RIMBP2: variants seen among roughly 807,000 people sequenced by gnomAD.
RIMBP2 encodes RIMS-binding protein 2.
Under a neutral mutation model 118.6 loss-of-function variants are expected in RIMBP2, and 48 were observed. The observed-to-expected ratio is 0.40, with a 90% CI of 0.32 to 0.51. RIMBP2 has a LOEUF of 0.51. Among genes scored for constraint, RIMBP2 ranks in the 20% least tolerant of loss-of-function variants. The pLI is 0.41. For synonymous variants in RIMBP2, 762 were observed against 742.9 expected (o/e 1.03, Z -0.42); for missense variants, 1,551 against 1,768.3 (o/e 0.88, Z 2.20).
chr12:130,445,184 T>G lies in RIMBP2; in HGVS notation c.667A>C (p.Met223Leu). ...AGKYLYVYGD[M>L]DEDGFYEGEL... is the part of the protein sequence containing the mutation. ...CCTTCATAGAACCCATCCTCATCCATGTCTCCATAGACGTAGAGGTATTTT... is the reference window on the plus strand; with the variant it reads ...CCTTCATAGAACCCATCCTCATCCAGGTCTCCATAGACGTAGAGGTATTTT... The change falls in exon 10 of 23, where the codon ATG (methionine) becomes CTG (leucine). Residue 223 changes from methionine (M) to leucine (L), a missense_variant. Met to Leu is a conservative substitution (Grantham distance 15). Around this residue, in one of 5 missense-constraint regions of RIMBP2, gnomAD observed 265 missense variants for 349.5 expected, o/e 0.76. Transcript: ENST00000690449. 6.2e-7 allele frequency: 1 copy of G among 1,611,034 alleles called. No individual in the cohort carries two copies. Among genetic ancestry groups the G allele is most frequent in the Non-Finnish European group, 8.5e-7 (1 of 1,178,692 alleles).
Position 130,396,857 on chromosome 12 carries a change from A to C in RIMBP2, c.*504T>G, listed in dbSNP as rs1350035434. 1.3e-5 allele frequency: 2 copies of C among 152,688 alleles called. No homozygotes were observed. Among genetic ancestry groups the C allele is most frequent in the Non-Finnish European group, 2.9e-5 (2 of 68,068 alleles). 9.5% of individuals were successfully genotyped at this position (152,688 alleles called of 1,614,324 possible). ...GGATGAAGACCACTGAATGCACGAC[A>C]CATACAAAGTATACACTGTTTTTAT... is the stretch of plus-strand genomic sequence containing the variant. On this transcript the variant is annotated 3_prime_UTR_variant, in exon 23 of 23. Transcript: ENST00000690449.
intron 1 of RIMBP2, among the ~76,000 whole-genome samples, chr12:130,690,658 T>G (rs2065269602): frequency 6.6e-6 from 1 of 152,164 alleles, no homozygotes; most frequent in South Asian, 2.1e-4. Context: ...TTTAGCATAA[T>G]CTTTAGGGCT....
At chr12:130,421,535 T>A (rs1267762176) in intron 17 of RIMBP2, among the ~76,000 whole-genome samples, 1 of 152,206 alleles carries the variant, frequency 6.6e-6, no homozygotes, top group Non-Finnish European at 1.5e-5. Context: ...AAAAGACCAA[T>A]GGCCTTTTAA....
Position 130,455,706 on chromosome 12 carries a change from C to T in RIMBP2, c.358+790G>A, listed in dbSNP as rs546142961. Among the ~76,000 whole-genome samples the T allele has an allele frequency of 2.0e-5, 3 of 152,310 alleles. No individual in the cohort carries two copies. In the South Asian group the frequency reaches 6.2e-4, roughly 32 times the overall value. On this transcript the variant is annotated intron_variant, in intron 7 of 22. Coordinates refer to ENST00000690449, the MANE Select transcript of RIMBP2 (RefSeq NM_001393629.1). The stretch of plus-strand genomic sequence containing the variant: ...TCTGATAAGAACTAGGGGAAATTTG[C>T]AAATTATCTTTTTTACAGAATTCCA...
intron 2 of RIMBP2, among the ~76,000 whole-genome samples, chr12:130,543,804 T>C (rs916313290): frequency 2.6e-5 from 4 of 152,146 alleles, no homozygotes. Flanking sequence ...CAGGCACTGC[T>C]GCATCTTGCC....
intron 21 of RIMBP2, among the ~76,000 whole-genome samples, chr12:130,400,417 A>T (rs969729033): frequency 6.6e-6 from 1 of 152,218 alleles, no homozygotes; most frequent in African/African-American, 2.4e-5. Flanking sequence ...ATCCTTCCAG[A>T]TCTTTCTACT....
intron 1 of RIMBP2, among the ~76,000 whole-genome samples, chr12:130,653,712 A>G (rs2063318540): frequency 6.6e-6 from 1 of 152,032 alleles, no homozygotes; most frequent in Non-Finnish European, 1.5e-5. Flanking sequence ...TTTCCCATAA[A>G]TCTTCTGAAA....
intron 7 of RIMBP2, among the ~76,000 whole-genome samples, chr12:130,454,866 G>A (rs1036141333): frequency 6.6e-6 from 1 of 152,198 alleles, no homozygotes; most frequent in Non-Finnish European, 1.5e-5. Flanking sequence ...TTTACAGAAG[G>A]GCCAGCTTGC....
At position 130,623,677 on chromosome 12, in the gene RIMBP2, C is replaced by T. The variant is rs1259621626; in HGVS notation, c.-217+4645G>A. On this transcript the variant is annotated intron_variant, in intron 2 of 22. Transcript: ENST00000690449. This position sits in a 1 kb window ranked among gnomAD's most constrained non-coding sequence, Gnocchi z 4.1. ...CACACCAAGCTGGTTACCACCAACA[C>T]CTGCATTTCTGTGCCTGGGGGCTCC... Among the ~76,000 whole-genome samples the T allele has an allele frequency of 6.6e-6, 1 of 152,170 alleles. No homozygotes were observed. Among genetic ancestry groups the T allele is most frequent in the East Asian group, 1.9e-4 (1 of 5,184 alleles).
Position 130,523,574 on chromosome 12 carries a change from T to C in RIMBP2, c.-216-5657A>G, listed in dbSNP as rs987740757. ...TCAGGAGCTCCAGTTAAATCCCCAT[T>C]TCAATGGACAAGGTGGCCGCTTCTC... On this transcript the variant is annotated intron_variant, in intron 2 of 22. Coordinates refer to ENST00000690449, the MANE Select transcript of RIMBP2 (RefSeq NM_001393629.1). The surrounding 1 kb of genome is among the most constrained non-coding windows in gnomAD (Gnocchi z 4.4). Among the ~76,000 whole-genome samples, 13 of 152,152 alleles carry C rather than the reference T, an allele frequency of 8.5e-5. No individual in the cohort carries two copies. Among genetic ancestry groups the C allele is most frequent in the African/African-American group, 2.9e-4 (12 of 41,438 alleles).
At chr12:130,493,743 A>G (rs1043774073) in intron 4 of RIMBP2, among the ~76,000 whole-genome samples, 2 of 152,244 alleles carry the variant, frequency 1.3e-5, no homozygotes, top group African/African-American at 4.8e-5. Context: ...AAAACTTGCC[A>G]TTCCAAGTGG....
In RIMBP2 at chr12:130,543,835, T is replaced by C. The variant is rs181557356; in HGVS notation, c.-216-25918A>G. ...TTGCCAGTCAGCTAAATGTTTTCCT[T>C]ACTGCCAATTTAACAGCAATTTAAG... On this transcript the variant is annotated intron_variant, in intron 2 of 22. Coordinates refer to ENST00000690449, the MANE Select transcript of RIMBP2 (RefSeq NM_001393629.1). Among the ~76,000 whole-genome samples the C allele has an allele frequency of 3.2e-3, 495 of 152,330 alleles. 3 individuals are homozygous for C. Among genetic ancestry groups the C allele is most frequent in the South Asian group, 0.028 (134 of 4,826 alleles).
rs1015851088 is a variant in RIMBP2, at chr12:130,475,804, T to C, written c.102+3108A>G. Among the ~76,000 whole-genome samples, 1 of 152,068 alleles carries C rather than the reference T, an allele frequency of 6.6e-6. No individual in the cohort carries two copies. Among genetic ancestry groups the C allele is most frequent in the African/African-American group, 2.4e-5 (1 of 41,410 alleles). The stretch of plus-strand genomic sequence containing the variant: ...GGAAGAGCTGTACAAAAACGGGAGA[T>C]GCTGCCGTTTACGGAGCTCAAGGAG... On this transcript the variant is annotated intron_variant, in intron 5 of 22. Transcript: ENST00000690449. This position sits in a 1 kb window ranked among gnomAD's most constrained non-coding sequence, Gnocchi z 4.1.
At position 130,553,847 on chromosome 12, in the gene RIMBP2, A is replaced by T. The variant is rs145541446; in HGVS notation, c.-216-35930T>A. Reference sequence around the variant, plus strand: ...AAATCTCTGTCTCCCCAAACTCTACATAAAGATGGAGAAACTGTTAGGAAA... The same window carrying T: ...AAATCTCTGTCTCCCCAAACTCTACTTAAAGATGGAGAAACTGTTAGGAAA... On this transcript the variant is annotated intron_variant, in intron 2 of 22. Coordinates refer to ENST00000690449, the MANE Select transcript of RIMBP2 (RefSeq NM_001393629.1). Among the ~76,000 whole-genome samples the T allele has an allele frequency of 2.6e-5, 4 of 152,356 alleles. No homozygotes were observed. In the East Asian group the frequency reaches 5.8e-4, roughly 22 times the overall value.
rs1432379639 is a variant in RIMBP2 at position 130,422,568 on chromosome 12, A to G, written c.3130-7T>C. The stretch of plus-strand genomic sequence containing the variant: ...AGGCTGGGTTCCCTAAAATCTAAAG[A>G]CAAAACAACAACAAAGTCGTAAGTC... On this transcript the variant is annotated splice_region_variant and splice_polypyrimidine_tract_variant and intron_variant, in intron 16 of 22. Coordinates refer to ENST00000690449, the MANE Select transcript of RIMBP2 (RefSeq NM_001393629.1). This position sits in a 1 kb window ranked among gnomAD's most constrained non-coding sequence, Gnocchi z 5.2. 1 of 1,585,810 alleles carries G rather than the reference A, an allele frequency of 6.3e-7. No individual in the cohort carries two copies. The highest frequency in any genetic ancestry group is 8.6e-7 in the Non-Finnish European group (1 of 1,161,204).
chr12:130,495,405 T>C lies in RIMBP2; in HGVS notation c.-4+11243A>G, dbSNP rs958067814. ...CAGGGATGTTGCTTGGTCAGGCCAC[T>C]GTCATCACGTGGGCCTCAGCTGAAG... On this transcript the variant is annotated intron_variant, in intron 4 of 22. Transcript: ENST00000690449. Among the ~76,000 whole-genome samples, 9 of 149,798 alleles carry C rather than the reference T, an allele frequency of 6.0e-5. 1 individual carries two copies. The Admixed American group carries it at 6.0e-4, about 10-fold the overall frequency.
rs150353426 is a variant in RIMBP2 at position 130,469,972 on chromosome 12, T to C, written c.153+721A>G. ...CAGCAGAGGCCTGAGGGGGACCCCA[T>C]AGCCCTCCCTGTCTGCCTGGCTACT... On this transcript the variant is annotated intron_variant, in intron 6 of 22. Transcript: ENST00000690449. This position sits in a 1 kb window ranked among gnomAD's most constrained non-coding sequence, Gnocchi z 4.8. 5.9e-5 allele frequency among the ~76,000 whole-genome samples: 9 copies of C among 152,308 alleles called. No homozygotes were observed. The highest frequency in any genetic ancestry group is 1.9e-4 in the African/African-American group (8 of 41,576).
At chr12:130,455,847 C>G (rs930219548) in intron 7 of RIMBP2, among the ~76,000 whole-genome samples, 2 of 152,056 alleles carry the variant, frequency 1.3e-5, no homozygotes, top group African/African-American at 4.8e-5. Flanking sequence ...AACCTTCAGC[C>G]AGGACGTAGC....
intron 19 of RIMBP2, among the ~76,000 whole-genome samples, chr12:130,408,579 C>T (rs957846688): frequency 3.9e-5 from 6 of 152,184 alleles, no homozygotes; most frequent in African/African-American, 7.2e-5. Flanking sequence ...CTCTGCCCAG[C>T]GTGAGCGCTC....
Sources: allele counts gnomAD v4.1 joint callset (sites outside exome capture counted in the v4.1 genomes callset), GRCh38; gene constraint gnomAD v4.1.1; regional missense constraint gnomAD v4.1.1; non-coding constraint Gnocchi (gnomAD v3.1); transcripts MANE v1.5; gene names NCBI Gene and HGNC (gene_info 2026-07-23, HGNC 2026-07-21).